Variants in GAS7 observed in about 807,000 individuals in gnomAD.
GAS7 encodes growth arrest specific 7, also known as growth arrest-specific protein 7.
In GAS7, 28 loss-of-function variants were observed where a neutral mutation model predicts 71.1. That is an observed-to-expected ratio of 0.39 (90% CI 0.29 to 0.54). The LOEUF (loss-of-function observed/expected upper bound fraction) is 0.54, where lower values mean the gene tolerates loss of function less well. Among genes scored for constraint, GAS7 ranks in the 20% least tolerant of loss-of-function variants. The probability of loss-of-function intolerance (pLI) is 0.62; values close to 1 mark genes in which losing one functional copy is unlikely to be tolerated. For synonymous variants in GAS7, 258 were observed against 245.8 expected (o/e 1.05, Z -0.46); for missense variants, 436 against 627.8 (o/e 0.69, Z 3.27).
rs563951455 is a variant in GAS7 at position 10,031,500 on chromosome 17, G to A, written c.184-11603C>T. Among the ~76,000 whole-genome samples, 6 of 152,304 alleles carry A rather than the reference G, an allele frequency of 3.9e-5. No homozygotes were observed. The East Asian group carries it at 1.2e-3, about 29-fold the overall frequency. ...AAGGATGAGTTGGACGGCCCCTCCT[G>A]GGTCAGAAGTCATGTCACAGCCTTG... On this transcript the variant is annotated intron_variant, in intron 1 of 13. Coordinates refer to ENST00000432992, the MANE Select transcript of GAS7 (RefSeq NM_201433.2).
chr17:10,042,166 G>A (rs920665985), intron 1 of GAS7, among the ~76,000 whole-genome samples: 3 of 151,884 alleles, frequency 2.0e-5, no homozygotes, highest in Non-Finnish European at 2.9e-5. Flanking sequence ...GTGGTGGCAC[G>A]TGCCTGTAGT....
intron 1 of GAS7, among the ~76,000 whole-genome samples, chr17:10,133,694 C>T (rs1160931021): frequency 6.6e-6 from 1 of 152,080 alleles, no homozygotes; most frequent in African/African-American, 2.4e-5. Flanking sequence ...CACCCGCAAC[C>T]CATAGCCCCA....
chr17:10,103,696 C>G lies in GAS7; in HGVS notation c.184-83799G>C, dbSNP rs1026914086. On this transcript the variant is annotated intron_variant, in intron 1 of 13. Transcript: ENST00000432992. This position sits in a 1 kb window ranked among gnomAD's most constrained non-coding sequence, Gnocchi z 5.5. ...CAAAAATTAGCTGGGTGTGGTGGCA[C>G]ATGCCTGTAATCCCGGCTACTAGGG... Among the ~76,000 whole-genome samples, 10 of 152,020 alleles carry G rather than the reference C, an allele frequency of 6.6e-5. No homozygotes were observed. The highest frequency in any genetic ancestry group is 9.7e-5 in the African/African-American group (4 of 41,384).
chr17:10,052,651 C>T (rs980134952), intron 1 of GAS7, among the ~76,000 whole-genome samples: 6 of 152,228 alleles, frequency 3.9e-5, no homozygotes, highest in Admixed American at 2.0e-4. Context: ...CCAGAGGCTC[C>T]GTCCTCACCC....
In GAS7 at chr17:9,910,653, A is replaced by T. The variant is rs916208107; in HGVS notation, c.*6575T>A. 2.5e-5 allele frequency: 5 copies of T among 202,550 alleles called. 1 individual carries two copies. The South Asian group carries it at 7.6e-4, about 31-fold the overall frequency. 12.5% of individuals were successfully genotyped at this position (202,550 alleles called of 1,614,324 possible). On this transcript the variant is annotated 3_prime_UTR_variant, in exon 14 of 14. Transcript: ENST00000432992. Reference sequence around the variant, plus strand: ...ATAATAATGCAGGACAACTGTATATAGCAAACGCCTTCAAAATTTAAACTC... The same window carrying T: ...ATAATAATGCAGGACAACTGTATATTGCAAACGCCTTCAAAATTTAAACTC...
chr17:9,933,962 T>G (rs1313471059), intron 9 of GAS7, among the ~76,000 whole-genome samples: 1 of 152,244 alleles, frequency 6.6e-6, no homozygotes, highest in Admixed American at 6.5e-5. Flanking sequence ...TTTGTGCTAC[T>G]GTGTCTATAC....
intron 1 of GAS7, among the ~76,000 whole-genome samples, chr17:10,165,962 G>A (rs1302465930): frequency 6.6e-6 from 1 of 151,794 alleles, no homozygotes; most frequent in Non-Finnish European, 1.5e-5. Flanking sequence ...AGAGGTCTCA[G>A]AGCAAAAGGC....
chr17:9,950,888 C>A (rs1020040500), intron 5 of GAS7, among the ~76,000 whole-genome samples: 18 of 150,536 alleles, frequency 1.2e-4, no homozygotes, highest in African/African-American at 4.4e-4. Flanking sequence ...TTCCTGAACT[C>A]TAAAAAATTA....
chr17:10,082,054 GATGAACTAGCTC>G, intron 1 of GAS7, among the ~76,000 whole-genome samples: 1 of 152,270 alleles, frequency 6.6e-6, no homozygotes, highest in South Asian at 2.1e-4. Flanking sequence ...CAGCAGTTAA[GATGAACTAGCTC>G]TACATGCACC....
intron 1 of GAS7, among the ~76,000 whole-genome samples, chr17:10,056,760 T>A (rs968356264): frequency 2.0e-5 from 3 of 151,578 alleles, no homozygotes; most frequent in African/African-American, 7.3e-5. Context: ...CCCCACGATC[T>A]CCCTCCCCAC....
At chr17:9,997,032 C>T (rs965881700) in intron 2 of GAS7, among the ~76,000 whole-genome samples, 4 of 152,030 alleles carry the variant, frequency 2.6e-5, no homozygotes, top group African/African-American at 9.7e-5. Flanking sequence ...AACAGAGAGA[C>T]AGACCAAGGG....
At chr17:9,942,051 G>A (rs1219180204) in intron 7 of GAS7, among the ~76,000 whole-genome samples, 7 of 152,220 alleles carry the variant, frequency 4.6e-5, no homozygotes, top group Non-Finnish European at 7.4e-5. Flanking sequence ...TCAGGAGTTC[G>A]AGACCAGCCT....
chr17:10,109,593 G>A (rs1445884461), intron 1 of GAS7, among the ~76,000 whole-genome samples: 1 of 152,132 alleles, frequency 6.6e-6, no homozygotes, highest in African/African-American at 2.4e-5. Context: ...CCACTGCTGG[G>A]TATTTATCCA....
intron 1 of GAS7, among the ~76,000 whole-genome samples, chr17:10,165,845 T>C (rs1404088016): frequency 6.6e-6 from 1 of 152,008 alleles, no homozygotes; most frequent in African/African-American, 2.4e-5. Flanking sequence ...GATTCAGACA[T>C]CCTTTCACCT....
chr17:10,101,250 A>G (rs1194681018), intron 1 of GAS7, among the ~76,000 whole-genome samples: 1 of 152,218 alleles, frequency 6.6e-6, no homozygotes, highest in Non-Finnish European at 1.5e-5. Flanking sequence ...AGTCACCATA[A>G]GTCTCAATCA....
At chr17:10,129,441 G>A (rs2073978852) in intron 1 of GAS7, among the ~76,000 whole-genome samples, 1 of 151,834 alleles carries the variant, frequency 6.6e-6, no homozygotes, top group Non-Finnish European at 1.5e-5. Flanking sequence ...AGGCTGAGGT[G>A]GGAGGATTGT....
intron 1 of GAS7, among the ~76,000 whole-genome samples, chr17:10,075,329 T>C (rs913178075): frequency 6.6e-6 from 1 of 150,886 alleles, no homozygotes; most frequent in Non-Finnish European, 1.5e-5. Flanking sequence ...TACTCCAGCC[T>C]GGGTGACAGA....
At chr17:9,931,868 A>C (rs911289935) in intron 9 of GAS7, among the ~76,000 whole-genome samples, 1 of 152,140 alleles carries the variant, frequency 6.6e-6, no homozygotes, top group Admixed American at 6.6e-5. Flanking sequence ...TGTCTCAGTC[A>C]TCTGAGTCAT....
At chr17:10,176,129 G>A (rs572132008) in intron 1 of GAS7, among the ~76,000 whole-genome samples, 2 of 152,368 alleles carry the variant, frequency 1.3e-5, no homozygotes, top group East Asian at 3.9e-4. Context: ...GGCAGGGAAG[G>A]ATGAAGGAGG....
Sources: allele counts gnomAD v4.1 joint callset (sites outside exome capture counted in the v4.1 genomes callset), GRCh38; gene constraint gnomAD v4.1.1; non-coding constraint Gnocchi (gnomAD v3.1); transcripts MANE v1.5; gene names NCBI Gene and HGNC (gene_info 2026-07-23, HGNC 2026-07-21).